Variants in MEI4 observed in about 807,000 individuals in gnomAD.
MEI4 encodes the protein meiotic double-stranded break formation protein 4.
MEI4 carries 27 observed loss-of-function variants against 31.4 expected under a neutral mutation model. The ratio of observed to expected loss-of-function variants is 0.86; its 90% CI spans 0.63 to 1.19. MEI4 has a LOEUF of 1.19. MEI4 is among the 50% of genes most tolerant of loss of function. MEI4 has a pLI of 0.00. For synonymous variants in MEI4, 122 were observed against 145.4 expected, an observed-to-expected ratio of 0.84 and a Z score of 1.16; for missense variants, 329 against 398.9, an observed-to-expected ratio of 0.82 and a Z score of 1.49.
intron 1 of MEI4, among the ~76,000 whole-genome samples, chr6:77,673,426 A>C (rs978170386): frequency 2.0e-5 from 3 of 152,218 alleles, no homozygotes; most frequent in Non-Finnish European, 4.4e-5. Context: ...TGAGATGCAG[A>C]GATTGCTCTG....
intron 4 of MEI4, among the ~76,000 whole-genome samples, chr6:77,870,509 A>G (rs1771164659): frequency 6.6e-6 from 1 of 152,212 alleles, no homozygotes; most frequent in Non-Finnish European, 1.5e-5. Context: ...TTACTTTGTA[A>G]AGCAGTATGT....
In MEI4 at chr6:77,847,981, T is replaced by C. The variant is rs373702273; in HGVS notation, c.900+18919T>C. Among the ~76,000 whole-genome samples the C allele has an allele frequency of 3.3e-5, 5 of 152,298 alleles. No homozygotes were observed. Among genetic ancestry groups the C allele is most frequent in the South Asian group, 2.1e-4 (1 of 4,826 alleles). On this transcript the variant is annotated intron_variant, in intron 4 of 4. Coordinates refer to ENST00000684080, the MANE Select transcript of MEI4 (RefSeq NM_001322247.2). The surrounding 1 kb of genome is among the most constrained non-coding windows in gnomAD (Gnocchi z 4.6). ...CGGAATATTTATCTCCTCTTCACTT[T>C]ATGTATCTTTATGCAGGAATCCTTT...
intron 2 of MEI4, among the ~76,000 whole-genome samples, chr6:77,705,689 G>A (rs772190777): frequency 6.6e-6 from 1 of 152,034 alleles, no homozygotes; most frequent in African/African-American, 2.4e-5. Context: ...GGGTGGTAGC[G>A]CCCACCCATC....
chr6:77,656,553 A>G (rs1288927256), intron 1 of MEI4, among the ~76,000 whole-genome samples: 1 of 152,154 alleles, frequency 6.6e-6, no homozygotes, highest in Non-Finnish European at 1.5e-5. Context: ...AAATGTTCCT[A>G]AGGGGAAGGA....
chr6:77,910,925 GTTT>G (rs58959367), intron 4 of MEI4, among the ~76,000 whole-genome samples: 31 of 120,546 alleles, frequency 2.6e-4, no homozygotes, highest in East Asian at 1.6e-3. Flanking sequence ...CCAGCTTCTG[GTTT>G]TTTTTTTTTT....
chr6:77,771,393 A>T (rs1474824164), intron 3 of MEI4, among the ~76,000 whole-genome samples: 2 of 148,266 alleles, frequency 1.3e-5, no homozygotes, highest in Non-Finnish European at 1.5e-5. Flanking sequence ...TTTTCTAAAG[A>T]ACTAAAAAGG....
intron 1 of MEI4, among the ~76,000 whole-genome samples, chr6:77,670,086 C>G (rs529067583): frequency 1.4e-4 from 22 of 152,106 alleles, no homozygotes; most frequent in South Asian, 8.3e-4. Flanking sequence ...GCAAGACAGA[C>G]CCTTTCATTG....
At chr6:77,808,304 A>C (rs532107994) in intron 3 of MEI4, among the ~76,000 whole-genome samples, 2 of 152,330 alleles carry the variant, frequency 1.3e-5, no homozygotes, top group East Asian at 3.9e-4. Flanking sequence ...TGTTTTGAAA[A>C]GATCAGTGGT....
chr6:77,793,616 A>C (rs903546980), intron 3 of MEI4, among the ~76,000 whole-genome samples: 2 of 152,202 alleles, frequency 1.3e-5, no homozygotes, highest in Non-Finnish European at 2.9e-5. Context: ...GAAATAGTGT[A>C]AAGTGTGATA....
At chr6:77,869,625 T>G (rs1210053980) in intron 4 of MEI4, among the ~76,000 whole-genome samples, 1 of 152,020 alleles carries the variant, frequency 6.6e-6, no homozygotes, top group East Asian at 1.9e-4. Context: ...TGTGAGAAAA[T>G]AAGTATCTGT....
chr6:77,750,458 G>A (rs1463865755), intron 2 of MEI4, among the ~76,000 whole-genome samples: 1 of 152,028 alleles, frequency 6.6e-6, no homozygotes, highest in East Asian at 1.9e-4. Context: ...AAAGAAAGCA[G>A]GTATTGCAAT....
intron 3 of MEI4, among the ~76,000 whole-genome samples, chr6:77,800,019 C>A (rs1769202999): frequency 2.0e-5 from 3 of 152,006 alleles, no homozygotes; most frequent in African/African-American, 7.2e-5. Context: ...TAGTTTTTTC[C>A]AATTCTGTGA....
At chr6:77,780,786 A>G (rs1012678528) in intron 3 of MEI4, among the ~76,000 whole-genome samples, 4 of 152,182 alleles carry the variant, frequency 2.6e-5, no homozygotes, top group Non-Finnish European at 4.4e-5. Flanking sequence ...ATTGAATTGA[A>G]TAGTTGAATT....
At chr6:77,733,424 C>T (rs140587645) in intron 2 of MEI4, among the ~76,000 whole-genome samples, 14,231 of 151,880 alleles carry the variant, frequency 0.094, 949 homozygotes, top group East Asian at 0.31. Flanking sequence ...TAGAGGTGTT[C>T]GTAGTATTCT....
chr6:77,750,966 C>T (rs113408439), intron 2 of MEI4, among the ~76,000 whole-genome samples: 22,602 of 152,178 alleles, frequency 0.15, 1,813 homozygotes, highest in East Asian at 0.27. Flanking sequence ...AAGAAACTCA[C>T]TCAAAACTGC....
chr6:77,727,790 A>G (rs932032605), intron 2 of MEI4, among the ~76,000 whole-genome samples: 3 of 152,232 alleles, frequency 2.0e-5, no homozygotes, highest in East Asian at 1.9e-4. Context: ...CCATAAGCCT[A>G]TATAAGGCCC....
intron 3 of MEI4, among the ~76,000 whole-genome samples, chr6:77,788,072 A>T (rs1768796956): frequency 6.6e-6 from 1 of 152,112 alleles, no homozygotes; most frequent in Non-Finnish European, 1.5e-5. Flanking sequence ...TTTCAGAAGG[A>T]ATGGTACCAG....
intron 3 of MEI4, among the ~76,000 whole-genome samples, chr6:77,766,420 A>G (rs566348128): frequency 1.3e-5 from 2 of 152,028 alleles, no homozygotes; most frequent in African/African-American, 4.8e-5. Flanking sequence ...ATATTTATTT[A>G]TTTATTTTTT....
chr6:77,727,233 G>A (rs976669107), intron 2 of MEI4, among the ~76,000 whole-genome samples: 2 of 152,186 alleles, frequency 1.3e-5, no homozygotes, highest in African/African-American at 4.8e-5. Flanking sequence ...GGAAAAGGAG[G>A]TAAATGCATC....
Sources: allele counts gnomAD v4.1 joint callset (sites outside exome capture counted in the v4.1 genomes callset), GRCh38; gene constraint gnomAD v4.1.1; non-coding constraint Gnocchi (gnomAD v3.1); transcripts MANE v1.5; gene names NCBI Gene and HGNC (gene_info 2026-07-23, HGNC 2026-07-21).